The following GPM6A variants were observed in gnomAD, a reference collection of about 807,000 sequenced individuals.
GPM6A encodes the protein glycoprotein M6A.
In GPM6A, 7 loss-of-function variants were observed where a neutral mutation model predicts 32.1. The ratio of observed to expected loss-of-function variants is 0.22; its 90% CI spans 0.12 to 0.41. GPM6A has a LOEUF of 0.41. GPM6A is among the 10% of genes least tolerant of loss of function. GPM6A has a pLI of 1.00. For synonymous variants in GPM6A, 130 were observed against 123.4 expected, an observed-to-expected ratio of 1.05 and a Z score of -0.35; for missense variants, 235 against 347.2, an observed-to-expected ratio of 0.68 and a Z score of 2.57.
chr4:175,828,917 A>G (rs1463353370), intron 1 of GPM6A, among the ~76,000 whole-genome samples: 1 of 152,052 alleles, frequency 6.6e-6, no homozygotes, highest in East Asian at 1.9e-4. Flanking sequence ...AAATAGTGTT[A>G]ATCTTTTTGT....
rs546241081 is a variant in GPM6A, at chr4:175,664,094, A to C, written c.387+9586T>G. ...TGCTAAGTGAAAGAAGCCAATCTGAAAAAGCTATATACTACATGATTCCAA... is the reference window on the plus strand; with the variant it reads ...TGCTAAGTGAAAGAAGCCAATCTGACAAAGCTATATACTACATGATTCCAA... On this transcript the variant is annotated intron_variant, in intron 3 of 6. Coordinates refer to ENST00000393658, the MANE Select transcript of GPM6A (RefSeq NM_201591.3). Among the ~76,000 whole-genome samples, 24 of 152,322 alleles carry C rather than the reference A, an allele frequency of 1.6e-4. No individual in the cohort carries two copies. In the South Asian group the frequency reaches 4.8e-3, roughly 30 times the overall value.
At chr4:175,811,859 G>T in intron 1 of GPM6A, 1 of 194,628 alleles carries the variant, frequency 5.1e-6, no homozygotes, top group Non-Finnish European at 1.0e-5. Context: ...GCTCACACTA[G>T]GGATCCCTTG....
Position 175,798,419 on chromosome 4 carries a change from A to C in GPM6A, c.37+13772T>G, listed in dbSNP as rs1734323636. Among the ~76,000 whole-genome samples, 6 of 152,328 alleles carry C rather than the reference A, an allele frequency of 3.9e-5. No homozygotes were observed. The South Asian group carries it at 1.2e-3, about 32-fold the overall frequency. On this transcript the variant is annotated intron_variant, in intron 1 of 6. Transcript: ENST00000393658. ...TATGACACTTACAATTCAGTTATTC[A>C]AGACAAATAAATATTTCCTTTACAT...
chr4:175,690,205 C>T (rs1179345062), intron 2 of GPM6A, among the ~76,000 whole-genome samples: 1 of 152,178 alleles, frequency 6.6e-6, no homozygotes. Context: ...ATATTTCGTT[C>T]AATTGAAACA....
At chr4:175,671,414 G>C (rs73018196) in intron 3 of GPM6A, among the ~76,000 whole-genome samples, 7,217 of 118,442 alleles carry the variant, frequency 0.061, 199 homozygotes, top group Middle Eastern at 0.11. Context: ...ACAGGCAAAA[G>C]AGGTTAACAG....
chr4:175,923,822 G>A (rs1738748177), intron 1 of GPM6A, among the ~76,000 whole-genome samples: 1 of 152,116 alleles, frequency 6.6e-6, no homozygotes, highest in African/African-American at 2.4e-5. Context: ...CCAAAGTGCT[G>A]GGATTACAGC....
intron 1 of GPM6A, among the ~76,000 whole-genome samples, chr4:175,818,802 G>A (rs948947011): frequency 7.9e-5 from 12 of 152,228 alleles, no homozygotes; most frequent in African/African-American, 2.4e-4. Context: ...AAGGCAAAAC[G>A]ATAATGAGAT....
chr4:175,945,744 C>CTTACAACTCAGTAATACGGGTGCATA (rs1466174449), intron 1 of GPM6A, among the ~76,000 whole-genome samples: 4 of 151,674 alleles, frequency 2.6e-5, no homozygotes, highest in Non-Finnish European at 4.4e-5. Context: ...GTGCATATTA[C>CTTACAACTCAGTAATACGGGTGCATA]TTACAACTCA....
intron 1 of GPM6A, among the ~76,000 whole-genome samples, chr4:175,918,514 A>C (rs79742880): frequency 0.014 from 2,205 of 152,164 alleles, 41 homozygotes; most frequent in African/African-American, 0.041. Context: ...ACAACAAAAA[A>C]AAAAAGCTAC....
At chr4:175,666,316 G>C (rs1742750940) in intron 3 of GPM6A, among the ~76,000 whole-genome samples, 1 of 152,106 alleles carries the variant, frequency 6.6e-6, no homozygotes, top group Non-Finnish European at 1.5e-5. Flanking sequence ...AAAATACTTA[G>C]TTTCCCCATA....
At chr4:175,812,119 C>A in intron 1 of GPM6A, 72 bp downstream of exon 1, 1 of 1,129,494 alleles carries the variant, frequency 8.9e-7, no homozygotes, top group Non-Finnish European at 1.3e-6. Context: ...GCCTTACTGG[C>A]AAGTGTCTAA....
At chr4:175,901,079 T>C (rs1418689112) in intron 1 of GPM6A, among the ~76,000 whole-genome samples, 2 of 149,864 alleles carry the variant, frequency 1.3e-5, no homozygotes, top group African/African-American at 4.9e-5. Flanking sequence ...ATCAAAACAA[T>C]TGAACTCATG....
chr4:175,772,439 C>T (rs924110997), intron 1 of GPM6A, among the ~76,000 whole-genome samples: 8 of 152,136 alleles, frequency 5.3e-5, no homozygotes, highest in African/African-American at 1.9e-4. Context: ...AGAGCTCTGT[C>T]GCATCCTATG....
intron 2 of GPM6A, among the ~76,000 whole-genome samples, chr4:175,681,635 G>A (rs1743694487): frequency 6.6e-6 from 1 of 151,942 alleles, no homozygotes; most frequent in South Asian, 2.1e-4. Flanking sequence ...ACTTAAGAGG[G>A]TGTAGCACCT....
Position 175,851,832 on chromosome 4 carries a change from C to A in GPM6A, c.-22-39583G>T, listed in dbSNP as rs187129036. ...TTAAATAATTTTCTATTCTGTATTGCACTATTATCATCCTCCATTATCACT... is the reference window on the plus strand; with the variant it reads ...TTAAATAATTTTCTATTCTGTATTGAACTATTATCATCCTCCATTATCACT... On this transcript the variant is annotated intron_variant, in intron 1 of 7. Transcript: ENST00000280187. 1.6e-4 allele frequency among the ~76,000 whole-genome samples: 25 copies of A among 152,276 alleles called. No homozygotes were observed. The East Asian group carries it at 4.2e-3, about 26-fold the overall frequency.
chr4:175,936,323 A>AAAAAAAC (rs1739230255), intron 1 of GPM6A, among the ~76,000 whole-genome samples: 1 of 149,846 alleles, frequency 6.7e-6, no homozygotes, highest in Non-Finnish European at 1.5e-5. Context: ...AAAAAAAAAA[A>AAAAAAAC]AAAAAAAAAA....
At chr4:175,684,658 G>C (rs1274808875) in intron 2 of GPM6A, among the ~76,000 whole-genome samples, 1 of 151,818 alleles carries the variant, frequency 6.6e-6, no homozygotes, top group Non-Finnish European at 1.5e-5. Flanking sequence ...ATGATTTTTA[G>C]GTCTACTTCT....
chr4:175,920,455 C>A (rs1313428669), intron 1 of GPM6A, among the ~76,000 whole-genome samples: 1 of 152,186 alleles, frequency 6.6e-6, no homozygotes, highest in Non-Finnish European at 1.5e-5. Flanking sequence ...TAACTAATAT[C>A]ACTGGTAGTG....
chr4:175,901,424 T>A (rs2111491514), intron 1 of GPM6A, among the ~76,000 whole-genome samples: 1 of 151,998 alleles, frequency 6.6e-6, no homozygotes, highest in Non-Finnish European at 1.5e-5. Context: ...ATACACCTAC[T>A]ATGTACTCAC....
Sources: gnomAD v4.1 joint callset for allele counts (sites outside exome capture counted in the v4.1 genomes callset) on GRCh38, gnomAD v4.1.1 for gene constraint, MANE v1.5 for transcripts, NCBI Gene and HGNC (gene_info 2026-07-23, HGNC 2026-07-21) for gene names.